The following FAM120C variants were observed in gnomAD, a reference collection of about 807,000 sequenced individuals.
FAM120C encodes family with sequence similarity 120 member C, also known as constitutive coactivator of PPAR-gamma-like protein 2.
In FAM120C, 14 loss-of-function variants were observed where a neutral mutation model predicts 71.2. The observed-to-expected ratio is 0.20, with a 90% confidence interval of 0.13 to 0.31. The LOEUF (loss-of-function observed/expected upper bound fraction) is 0.31, where lower values mean the gene tolerates loss of function less well. FAM120C is among the 10% of genes least tolerant of loss of function. The pLI is 1.00. For missense variants in FAM120C, 500 were observed against 879.0 expected (o/e 0.57, Z 5.45); for synonymous variants, 354 against 353.2 (o/e 1.00, Z -0.03).
intron 13 of FAM120C, among the ~76,000 whole-genome samples, chrX:54,084,735 T>C (rs782005256): frequency 1.9e-5 from 2 of 106,565 alleles, no homozygotes; most frequent in African/African-American, 6.8e-5. Flanking sequence ...AAAAAAAATC[T>C]TGTTTCACCA....
chrX:54,155,705 T>C (rs782344009), intron 3 of FAM120C, among the ~76,000 whole-genome samples: 10 of 111,011 alleles, frequency 9.0e-5, no homozygotes, highest in Non-Finnish European at 1.7e-4. Flanking sequence ...CATAGATGCA[T>C]GCTTACACAA....
chrX:54,175,990 T>C (rs1330617786), intron 1 of FAM120C, among the ~76,000 whole-genome samples: 1 of 112,131 alleles, frequency 8.9e-6, no homozygotes, highest in East Asian at 2.8e-4. Context: ...AACGCAATTA[T>C]ACTGTTTTGA....
intron 9 of FAM120C, among the ~76,000 whole-genome samples, chrX:54,125,042 G>C (rs1273893160): frequency 9.1e-6 from 1 of 110,488 alleles, no homozygotes; most frequent in African/African-American, 3.3e-5. Context: ...AAGTGCTTTT[G>C]CAGCTTTGTC....
chrX:54,134,807 T>G, intron 7 of FAM120C, 24 bp downstream of exon 7: 1 of 1,188,026 alleles, frequency 8.4e-7, no homozygotes, highest in South Asian at 1.9e-5. Context: ...ATCTACTTCC[T>G]TAGGTGTCTA....
chrX:54,140,063 G>C (rs1187720847), intron 4 of FAM120C, among the ~76,000 whole-genome samples: 2 of 110,460 alleles, frequency 1.8e-5, no homozygotes, highest in African/African-American at 6.6e-5. Flanking sequence ...GGAGGCCGAG[G>C]CGGGCGGATC....
At chrX:54,112,370 T>G (rs2066941789) in intron 10 of FAM120C, among the ~76,000 whole-genome samples, 1 of 108,891 alleles carries the variant, frequency 9.2e-6, no homozygotes, top group Non-Finnish European at 1.9e-5. Context: ...TAAGCCGAGA[T>G]CGCGCCACTG....
intron 10 of FAM120C, among the ~76,000 whole-genome samples, chrX:54,104,433 C>T (rs1036915090): frequency 1.3e-4 from 15 of 111,849 alleles, no homozygotes; most frequent in African/African-American, 4.5e-4. Flanking sequence ...ATAAGTTAAT[C>T]TTCATTTAAA....
At chrX:54,156,265 C>T (rs1470347549) in intron 3 of FAM120C, among the ~76,000 whole-genome samples, 3 of 108,451 alleles carry the variant, frequency 2.8e-5, no homozygotes, top group Non-Finnish European at 5.7e-5. Flanking sequence ...ATACAATCAC[C>T]AACTTATACT....
At chrX:54,160,948 A>C (rs2067233369) in intron 1 of FAM120C, among the ~76,000 whole-genome samples, 1 of 111,550 alleles carries the variant, frequency 9.0e-6, no homozygotes, top group Non-Finnish European at 1.9e-5. Flanking sequence ...GTTTCAATGC[A>C]TTAAACTTTT....
chrX:54,175,565 T>C (rs1050290534), intron 1 of FAM120C, among the ~76,000 whole-genome samples: 17 of 110,074 alleles, frequency 1.5e-4, no homozygotes, highest in African/African-American at 3.3e-5. Context: ...CTGCAGTGCA[T>C]TGGTGCGATC....
chrX:54,179,751 G>GA (rs1194648318), intron 1 of FAM120C, among the ~76,000 whole-genome samples: 1 of 111,208 alleles, frequency 9.0e-6, no homozygotes, highest in African/African-American at 3.3e-5. Context: ...ATTCACTATG[G>GA]AAAAAAACAA....
At chrX:54,108,643 C>T (rs1379462182) in intron 10 of FAM120C, among the ~76,000 whole-genome samples, 1 of 110,734 alleles carries the variant, frequency 9.0e-6, no homozygotes, top group Non-Finnish European at 1.9e-5. Context: ...AAACGTAGTA[C>T]ATAATGGCCA....
intron 1 of FAM120C, among the ~76,000 whole-genome samples, chrX:54,165,177 T>C (rs1445773397): frequency 9.0e-6 from 1 of 111,593 alleles, no homozygotes; most frequent in Non-Finnish European, 1.9e-5. Context: ...AATTTCTTAA[T>C]ATCATAATAT....
intron 10 of FAM120C, among the ~76,000 whole-genome samples, chrX:54,105,140 A>T (rs1480516717): frequency 2.7e-5 from 3 of 111,815 alleles, no homozygotes; most frequent in Non-Finnish European, 5.6e-5. Flanking sequence ...CCTGATGAAC[A>T]TCGATGCGAA....
intron 10 of FAM120C, among the ~76,000 whole-genome samples, chrX:54,092,414 G>A (rs1015483940): frequency 2.5e-4 from 27 of 109,965 alleles, no homozygotes; most frequent in African/African-American, 7.9e-4. Context: ...GTGTGGTGGC[G>A]GGCACCTGTA....
At chrX:54,145,526 CATTT>C (rs2067150459) in intron 4 of FAM120C, among the ~76,000 whole-genome samples, 1 of 112,329 alleles carries the variant, frequency 8.9e-6, no homozygotes, top group African/African-American at 3.2e-5. Context: ...CAAAATAAGA[CATTT>C]ATGCAGACAA....
At chrX:54,098,780 C>A (rs2066867480) in intron 10 of FAM120C, among the ~76,000 whole-genome samples, 1 of 109,952 alleles carries the variant, frequency 9.1e-6, no homozygotes, top group Non-Finnish European at 1.9e-5. Context: ...CGCGCCATGC[C>A]CGGCTAATTT....
At chrX:54,157,863 A>C in intron 2 of FAM120C, 92 bp from the exon 3 acceptor site, 1 of 542,495 alleles carries the variant, frequency 1.8e-6, no homozygotes. Context: ...AAATGATCAA[A>C]TAATTCACAT....
intron 3 of FAM120C, among the ~76,000 whole-genome samples, chrX:54,153,558 A>C (rs1331938497): frequency 9.6e-6 from 1 of 103,798 alleles, no homozygotes; most frequent in East Asian, 3.0e-4. Context: ...CAGGCACACA[A>C]CACCACGCCC....
Sources: allele counts gnomAD v4.1 joint callset (sites outside exome capture counted in the v4.1 genomes callset), GRCh38; gene constraint gnomAD v4.1.1; transcripts MANE v1.5; gene names NCBI Gene and HGNC (gene_info 2026-07-23, HGNC 2026-07-21).